SCN7A: variants seen among roughly 807,000 people sequenced by gnomAD.
SCN7A encodes the protein sodium voltage-gated channel alpha subunit 7.
In SCN7A, 138 loss-of-function variants were observed where a neutral mutation model predicts 155.2. The ratio of observed to expected loss-of-function variants is 0.89; its 90% CI spans 0.77 to 1.02. The LOEUF (loss-of-function observed/expected upper bound fraction) is 1.02, where lower values mean the gene tolerates loss of function less well. Ranked by LOEUF, SCN7A falls within the 50% of genes least tolerant of loss-of-function variation. The probability of loss-of-function intolerance (pLI) is 0.00; values close to 1 mark genes in which losing one functional copy is unlikely to be tolerated. For missense variants in SCN7A, 2,058 were observed against 1,986.6 expected, an observed-to-expected ratio of 1.04 and a Z score of -0.68; for synonymous variants, 693 against 649.0, an observed-to-expected ratio of 1.07 and a Z score of -1.03.
At position 166,493,514 on chromosome 2, in the gene SCN7A, A is replaced by G. The variant is rs921211133; in HGVS notation, c.-128+454T>C. The stretch of plus-strand genomic sequence containing the variant: ...CACTGCCAATCACATCAATGCCTCT[A>G]CTTTTATACTATCTATTCCTTTGGG... On this transcript the variant is annotated intron_variant, in intron 1 of 25. Transcript: ENST00000643258. Among the ~76,000 whole-genome samples the G allele has an allele frequency of 5.9e-5, 9 of 152,226 alleles. No homozygotes were observed. The South Asian group carries it at 1.2e-3, about 21-fold the overall frequency.
At chr2:166,487,506 T>C (rs1703079039) in intron 1 of SCN7A, among the ~76,000 whole-genome samples, 1 of 152,188 alleles carries the variant, frequency 6.6e-6, no homozygotes, top group African/African-American at 2.4e-5. Context: ...ATTCTCCACC[T>C]GTAGGAGATG....
intron 6 of SCN7A, 122 bp from the exon 7 acceptor site, chr2:166,470,828 A>C: frequency 1.3e-6 from 1 of 755,926 alleles, no homozygotes; most frequent in African/African-American, 1.8e-5. Context: ...CCTTGATCAC[A>C]TGATTCCATA....
chr2:166,409,058 T>C (rs1469373412), intron 25 of SCN7A, among the ~76,000 whole-genome samples: 2 of 152,014 alleles, frequency 1.3e-5, no homozygotes, highest in Non-Finnish European at 2.9e-5. Flanking sequence ...AAATGTACTG[T>C]TTAATTATCT....
At chr2:166,467,222 A>G (rs954185161) in intron 7 of SCN7A, among the ~76,000 whole-genome samples, 3 of 151,898 alleles carry the variant, frequency 2.0e-5, no homozygotes, top group Non-Finnish European at 4.4e-5. Flanking sequence ...AGCCTTCACT[A>G]GAACTGGAAC....
At chr2:166,440,400 G>A (rs183362293) in intron 15 of SCN7A, among the ~76,000 whole-genome samples, 443 of 152,202 alleles carry the variant, frequency 2.9e-3, no homozygotes, top group African/African-American at 0.01. Flanking sequence ...TGTAGATTAC[G>A]CTTGCATAGG....
rs190137316 is a variant in SCN7A, at chr2:166,467,960, C to A, written c.665-1973G>T. Among the ~76,000 whole-genome samples the A allele has an allele frequency of 3.9e-3, 588 of 151,690 alleles. 8 individuals are homozygous for A. In the South Asian group the frequency reaches 0.042, roughly 11 times the overall value. On this transcript the variant is annotated intron_variant, in intron 7 of 25. Coordinates refer to ENST00000643258, the MANE Select transcript of SCN7A (RefSeq NM_002976.4). ...TTCTTTTCCTTTGTCAATAAATTTA[C>A]TGTGTCTATTTTTTCCTTTATTATT...
At chr2:166,430,341 A>G (rs1258852943) in intron 16 of SCN7A, among the ~76,000 whole-genome samples, 1 of 151,976 alleles carries the variant, frequency 6.6e-6, no homozygotes, top group East Asian at 1.9e-4. Context: ...ATCCAGCAGA[A>G]TATTATTCTT....
intron 7 of SCN7A, among the ~76,000 whole-genome samples, chr2:166,468,484 C>A (rs1702584840): frequency 6.6e-6 from 1 of 151,924 alleles, no homozygotes; most frequent in African/African-American, 2.4e-5. Context: ...TTCTAAAACA[C>A]AAATAAAATA....
chr2:166,414,253 T>TATATACAC, intron 21 of SCN7A, among the ~76,000 whole-genome samples: 1 of 84,660 alleles, frequency 1.2e-5, no homozygotes. Context: ...TAAATATATA[T>TATATACAC]AGATATATAT....
intron 7 of SCN7A, 83 bp from the exon 8 acceptor site, chr2:166,466,070 TAC>T: frequency 1.1e-6 from 1 of 877,402 alleles, no homozygotes; most frequent in South Asian, 1.6e-5. Flanking sequence ...AGCAACTGCA[TAC>T]TCCATTGAAA....
At chr2:166,408,263 C>T (rs1019132065) in intron 25 of SCN7A, among the ~76,000 whole-genome samples, 1 of 151,972 alleles carries the variant, frequency 6.6e-6, no homozygotes, top group African/African-American at 2.4e-5. Flanking sequence ...GCTCTATAGC[C>T]TACTCATTCT....
intron 1 of SCN7A, among the ~76,000 whole-genome samples, chr2:166,490,223 T>C (rs1461337874): frequency 6.6e-6 from 1 of 152,186 alleles, no homozygotes; most frequent in African/African-American, 2.4e-5. Flanking sequence ...ACTGAAATTT[T>C]GCACACTTTG....
At chr2:166,423,059 C>T (rs1218836010) in intron 19 of SCN7A, among the ~76,000 whole-genome samples, 200 bp downstream of exon 19, 1 of 151,850 alleles carries the variant, frequency 6.6e-6, no homozygotes, top group Non-Finnish European at 1.5e-5. Flanking sequence ...AACCCAGGAA[C>T]AAAGTGTTGA....
intron 11 of SCN7A, among the ~76,000 whole-genome samples, chr2:166,455,275 A>G (rs1306095368): frequency 6.6e-6 from 1 of 152,124 alleles, no homozygotes; most frequent in Non-Finnish European, 1.5e-5. Context: ...ATTATGTACC[A>G]CACACAGATA....
At chr2:166,475,564 T>A (rs1004627916) in intron 3 of SCN7A, among the ~76,000 whole-genome samples, 1 of 151,772 alleles carries the variant, frequency 6.6e-6, no homozygotes, top group Non-Finnish European at 1.5e-5. Context: ...TTCCCTCTAT[T>A]TTAAATGCAA....
At chr2:166,410,098 G>C (rs977765400) in intron 24 of SCN7A, 122 bp downstream of exon 24, 5 of 1,102,536 alleles carry the variant, frequency 4.5e-6, no homozygotes, top group African/African-American at 1.6e-5. Context: ...CAAACAAAAT[G>C]ACCATGAAAA....
rs1353449757 is a variant in SCN7A at position 166,409,766 on chromosome 2, T to C, written c.3881A>G (p.Tyr1294Cys). The change falls in exon 25 of 26, where the codon TAT becomes TGT. Residue 1294 changes from tyrosine to cysteine, a missense_variant. Transcript: ENST00000643258. ...GAGCTTCAGTATACATTCCATAGTA[T>C]ATAGCATAACAAAAATTGAGTTAAT... ...YWINSIFVML[Y>C]TMECILKLIA... is the part of the protein sequence containing the mutation. The C allele has an allele frequency of 6.4e-7, 1 of 1,564,120 alleles. No individual in the cohort carries two copies. The highest frequency in any genetic ancestry group is 8.7e-7 in the Non-Finnish European group (1 of 1,152,430).
At chr2:166,456,483 A>C (rs1702276900) in intron 11 of SCN7A, among the ~76,000 whole-genome samples, 1 of 152,186 alleles carries the variant, frequency 6.6e-6, no homozygotes, top group Admixed American at 6.5e-5. Flanking sequence ...ATCACTGAGA[A>C]AAGGAACTAA....
At chr2:166,426,961 TAAG>T (rs1701637862) in intron 18 of SCN7A, among the ~76,000 whole-genome samples, 1 of 152,148 alleles carries the variant, frequency 6.6e-6, no homozygotes, top group African/African-American at 2.4e-5. Context: ...ATCTTGTATG[TAAG>T]AATTCTCCTT....
Sources: allele counts gnomAD v4.1 joint callset (sites outside exome capture counted in the v4.1 genomes callset), GRCh38; gene constraint gnomAD v4.1.1; transcripts MANE v1.5; gene names NCBI Gene and HGNC (gene_info 2026-07-23, HGNC 2026-07-21).